The following FKBP15 variants were observed in gnomAD, a reference collection of about 807,000 sequenced individuals.
The protein encoded by FKBP15 is FK506-binding protein 15.
FKBP15 carries 106 observed loss-of-function variants against 158.1 expected under a neutral mutation model. The observed-to-expected ratio is 0.67, with a 90% CI of 0.57 to 0.79. The LOEUF is 0.79. Among genes scored for constraint, FKBP15 ranks in the 30% least tolerant of loss-of-function variants. FKBP15 has a pLI of 0.00. For synonymous variants in FKBP15, 547 were observed against 548.6 expected (o/e 1.00, Z 0.04); for missense variants, 1,287 against 1,479.1 (o/e 0.87, Z 2.13).
intron 9 of FKBP15, among the ~76,000 whole-genome samples, chr9:113,196,326 T>C (rs956365250): frequency 2.6e-5 from 4 of 151,378 alleles, no homozygotes; most frequent in South Asian, 2.1e-4. Context: ...GAATATACAC[T>C]GGGCAGGAGT....
intron 7 of FKBP15, among the ~76,000 whole-genome samples, chr9:113,199,197 T>C (rs1270085688): frequency 1.3e-5 from 2 of 152,238 alleles, no homozygotes; most frequent in Non-Finnish European, 2.9e-5. Flanking sequence ...CAATACACTT[T>C]CAAATAAATT....
chr9:113,166,965 C>T (rs1830108358), intron 27 of FKBP15, among the ~76,000 whole-genome samples: 1 of 152,198 alleles, frequency 6.6e-6, no homozygotes, highest in African/African-American at 2.4e-5. Flanking sequence ...AACCAGAATC[C>T]ATCTTCACAG....
chr9:113,175,212 A>G (rs537614321), intron 21 of FKBP15, among the ~76,000 whole-genome samples: 67 of 152,312 alleles, frequency 4.4e-4, no homozygotes, highest in Non-Finnish European at 8.5e-4. Flanking sequence ...ATCCTGTGAA[A>G]AGCCTTTAAA....
At chr9:113,187,108 G>C (rs1830498780) in intron 14 of FKBP15, 1 of 152,366 alleles carries the variant, frequency 6.6e-6, no homozygotes. Flanking sequence ...CTCCATGGAG[G>C]AGAGGAGGGA....
chr9:113,221,063 G>T, intron 1 of FKBP15, 128 bp downstream of exon 1: 8 of 981,382 alleles, frequency 8.2e-6, no homozygotes, highest in South Asian at 1.7e-5. Context: ...GAGGTGTAGA[G>T]CACCGGAATG....
chr9:113,169,232 C>G lies in FKBP15; in HGVS notation c.3477G>C (p.Gln1159His), dbSNP rs181587098. Reference sequence around the variant, plus strand: ...TGCTCAGAGGAACATACCTGGAACGCTGGGAATGATGGCTGGGTCTGAGGG... The same window carrying G: ...TGCTCAGAGGAACATACCTGGAACGGTGGGAATGATGGCTGGGTCTGAGGG... ...GAALRPSHHS[Q>H]RSSLSGDEED... is the part of the protein sequence containing the mutation. The change falls in exon 26 of 28, where the codon CAG becomes CAC. Residue 1159 changes from glutamine to histidine, a missense_variant. Transcript: ENST00000238256. 4.0e-4 allele frequency: 652 copies of G among 1,612,678 alleles called. 8 individuals carry two copies. In the Admixed American group the frequency reaches 0.011, roughly 27 times the overall value.
intron 6 of FKBP15, among the ~76,000 whole-genome samples, chr9:113,200,736 G>A (rs4490910): frequency 6.6e-6 from 1 of 151,862 alleles, no homozygotes; most frequent in Non-Finnish European, 1.5e-5. Context: ...AGGAACTTGC[G>A]GCTCATTTTC....
chr9:113,177,767 C>T (rs73655814), intron 20 of FKBP15, among the ~76,000 whole-genome samples: 23,914 of 152,218 alleles, frequency 0.16, 2,075 homozygotes, highest in Middle Eastern at 0.19. Context: ...CCAGCTACCC[C>T]CTGCCCACTA....
chr9:113,183,604 A>G (rs971446907), intron 18 of FKBP15, 147 bp downstream of exon 18: 13 of 601,630 alleles, frequency 2.2e-5, no homozygotes, highest in Admixed American at 6.7e-5. Flanking sequence ...GCCTCTCAGA[A>G]AACAGGCAAT....
At chr9:113,216,102 A>AAAAAT (rs398011925) in intron 1 of FKBP15, among the ~76,000 whole-genome samples, 2 of 148,198 alleles carry the variant, frequency 1.3e-5, no homozygotes, top group African/African-American at 2.5e-5. Context: ...AAAAAAAAAA[A>AAAAAT]TCTGCAAGGC....
rs1034743324 is a variant in FKBP15 at position 113,165,318 on chromosome 9, C to G, written c.*760G>C. On this transcript the variant is annotated 3_prime_UTR_variant, in exon 28 of 28. Transcript: ENST00000238256. ...GACTGGTCCTCACAGAACCATCATG[C>G]CCCAGGGATGAGCTAGGACTACAGT... The G allele has an allele frequency of 3.3e-5, 5 of 152,190 alleles. No homozygotes were observed. Among genetic ancestry groups the G allele is most frequent in the Non-Finnish European group, 2.9e-5 (2 of 68,056 alleles). The allele number at this position is 152,190 out of a possible 1,614,324, so 9.4% of individuals were successfully genotyped here.
chr9:113,205,108 C>T (rs910275877), intron 4 of FKBP15, among the ~76,000 whole-genome samples: 4 of 152,176 alleles, frequency 2.6e-5, no homozygotes, highest in African/African-American at 9.7e-5. Context: ...GGTGAATCGT[C>T]ATGACCTTGG....
intron 4 of FKBP15, among the ~76,000 whole-genome samples, chr9:113,204,675 G>A (rs1587971890): frequency 6.6e-6 from 1 of 152,112 alleles, no homozygotes; most frequent in East Asian, 1.9e-4. Flanking sequence ...TTCTCTCTGT[G>A]CTTCAGTCTG....
chr9:113,194,437 AT>A (rs1357539335), intron 9 of FKBP15, among the ~76,000 whole-genome samples: 2 of 135,110 alleles, frequency 1.5e-5, no homozygotes, highest in Admixed American at 7.4e-5. Flanking sequence ...AAATAAATAA[AT>A]AATAAATAAA....
Position 113,174,499 on chromosome 9 carries a change from C to G in FKBP15, c.2308G>C (p.Glu770Gln). ...AGCTGTCGAAGTTTGTCCAATTCCT[C>G]CTGGTATGACTTGCGAATTTCATCT... ...EIDEIRKSYQ[E>Q]ELDKLRQLLK... The change falls in exon 22 of 28, where the codon GAG becomes CAG. Residue 770 changes from glutamate (E) to glutamine (Q), a missense_variant. Physicochemically the swap from Glu to Gln is conservative, Grantham distance 29. Transcript: ENST00000238256. The G allele has an allele frequency of 6.2e-7, 1 of 1,614,006 alleles. No individual in the cohort carries two copies. Among genetic ancestry groups the G allele is most frequent in the Non-Finnish European group, 8.5e-7 (1 of 1,179,894 alleles).
intron 24 of FKBP15, among the ~76,000 whole-genome samples, chr9:113,170,984 C>T (rs1830198168): frequency 1.3e-5 from 2 of 152,230 alleles, no homozygotes. Flanking sequence ...GCTGGGCACA[C>T]TCCCCAAGCC....
chr9:113,170,181 T>C (rs370751397), intron 25 of FKBP15, among the ~76,000 whole-genome samples: 2 of 152,088 alleles, frequency 1.3e-5, no homozygotes, highest in African/African-American at 4.8e-5. Flanking sequence ...TGGAGTGCAG[T>C]TGGGGGCAAT....
At chr9:113,206,655 GAAGT>G in intron 3 of FKBP15, 77 bp from the exon 4 acceptor site, 16 of 799,124 alleles carry the variant, frequency 2.0e-5, no homozygotes, top group Non-Finnish European at 3.0e-5. Flanking sequence ...CTGTCATACA[GAAGT>G]GGGAACAACA....
In FKBP15 at chr9:113,184,861, G is replaced by A. The variant is rs1363319443; in HGVS notation, c.1499-57C>T. On this transcript the variant is annotated intron_variant, in intron 15 of 27. Coordinates refer to ENST00000238256, the MANE Select transcript of FKBP15 (RefSeq NM_015258.2). The surrounding 1 kb of genome is among the most constrained non-coding windows in gnomAD (Gnocchi z 4.5). ...GAAACTGGAGCAGAGGAAACTGTAT[G>A]AAGAAAAGCTAGTAGCTCTTCCAGT... 7.4e-6 allele frequency: 10 copies of A among 1,345,176 alleles called. No individual in the cohort carries two copies. The Admixed American group carries it at 2.0e-4, about 27-fold the overall frequency. The allele number at this position is 1,345,176 out of a possible 1,614,324, so 83.3% of individuals were successfully genotyped here.
Sources: gnomAD v4.1 joint callset for allele counts (sites outside exome capture counted in the v4.1 genomes callset) on GRCh38, gnomAD v4.1.1 for gene constraint, Gnocchi (gnomAD v3.1) non-coding constraint, MANE v1.5 for transcripts, NCBI Gene and HGNC (gene_info 2026-07-23, HGNC 2026-07-21) for gene names.